The following C9 variants were observed in gnomAD, a reference collection of about 807,000 sequenced individuals.
C9 encodes the protein complement C9, also known as complement component C9.
C9 carries 63 observed loss-of-function variants against 65.4 expected under a neutral mutation model. That is an observed-to-expected ratio of 0.96 (90% CI 0.79 to 1.19). The LOEUF is 1.19. Among genes scored for constraint, C9 ranks in the 50% most tolerant of loss-of-function variants. The pLI, the probability that C9 is intolerant of heterozygous loss-of-function variation, is 0.00. For synonymous variants in C9, 229 were observed against 227.9 expected (o/e 1.00, Z -0.04); for missense variants, 744 against 670.1 (o/e 1.11, Z -1.22).
chr5:39,363,256 TGAA>T (rs1292279295), intron 1 of C9, among the ~76,000 whole-genome samples: 1 of 152,042 alleles, frequency 6.6e-6, no homozygotes, highest in East Asian at 1.9e-4. Flanking sequence ...AGAGGAGGGA[TGAA>T]GGAAAGGTCT....
At chr5:39,333,802 C>T (rs940282241) in intron 4 of C9, among the ~76,000 whole-genome samples, 8 of 148,918 alleles carry the variant, frequency 5.4e-5, no homozygotes, top group East Asian at 2.0e-4. Flanking sequence ...TTGGTGGAGA[C>T]GGGGTTTCGC....
chr5:39,320,564 TG>T (rs1168064914), intron 5 of C9, among the ~76,000 whole-genome samples: 1 of 152,148 alleles, frequency 6.6e-6, no homozygotes, highest in Non-Finnish European at 1.5e-5. Flanking sequence ...ATATGTATTA[TG>T]GTGCCCCAGA....
At chr5:39,294,848 A>G (rs938027453) in intron 9 of C9, among the ~76,000 whole-genome samples, 1 of 151,964 alleles carries the variant, frequency 6.6e-6, no homozygotes, top group Non-Finnish European at 1.5e-5. Flanking sequence ...GCAACAATAC[A>G]TCAAAAAGAT....
chr5:39,359,102 G>C (rs13160213), intron 1 of C9, among the ~76,000 whole-genome samples: 1 of 103,664 alleles, frequency 9.6e-6, no homozygotes, highest in African/African-American at 3.8e-5. Context: ...GTGTGTGTGT[G>C]TATATATATA....
rs1237339167 is a variant in C9 at position 39,333,918 on chromosome 5, A to G, written c.477-2104T>C. On this transcript the variant is annotated intron_variant, in intron 4 of 10. Coordinates refer to ENST00000263408, the MANE Select transcript of C9 (RefSeq NM_001737.5). Reference sequence around the variant, plus strand: ...CAGAGTCTCGTTAACTCAGTGCTCAATGGTGCCCAGGCTGGAGTGCAGTGG... The same window carrying G: ...CAGAGTCTCGTTAACTCAGTGCTCAGTGGTGCCCAGGCTGGAGTGCAGTGG... 4.1e-4 allele frequency among the ~76,000 whole-genome samples: 62 copies of G among 152,244 alleles called. 1 individual carries two copies. The highest frequency in any genetic ancestry group is 3.9e-3 in the Admixed American group (60 of 15,290).
rs1156696518 is a variant in C9, at chr5:39,306,781, T to C, written c.1252A>G (p.Ser418Gly). The C allele has an allele frequency of 1.9e-6, 3 of 1,610,318 alleles. No homozygotes were observed. The Admixed American group carries it at 5.0e-5, about 27-fold the overall frequency. ...ACAACATCATCTATGAGGTTTTCAC[T>C]GGTGATGTTTACTGAGGAGAGAAGG... ...RGEGRAVNIT[S>G]ENLIDDVVSL... Residue 418 changes from serine (S) to glycine (G), a missense_variant, in exon 9 of 11, where the codon AGT becomes GGT. Transcript: ENST00000263408.
At chr5:39,316,441 C>T (rs931821829) in intron 5 of C9, among the ~76,000 whole-genome samples, 1 of 152,168 alleles carries the variant, frequency 6.6e-6, no homozygotes, top group Non-Finnish European at 1.5e-5. Flanking sequence ...CTGCACAGAT[C>T]AACCCATCAC....
At chr5:39,363,599 G>A (rs949017665) in intron 1 of C9, among the ~76,000 whole-genome samples, 15 of 152,144 alleles carry the variant, frequency 9.9e-5, no homozygotes, top group African/African-American at 2.4e-5. Context: ...TCCCCAGAAC[G>A]GATCATCCTG....
rs1487229567 is a variant in C9, at chr5:39,285,057, AAG to A, written c.*140_*141del. On this transcript the variant is annotated 3_prime_UTR_variant, in exon 11 of 11. Coordinates refer to ENST00000263408, the MANE Select transcript of C9 (RefSeq NM_001737.5). ...AAATTTAAAAAAAAATTATAGACCT[AAG>A]AGAGAAGAGACTTCAGAGGTTGGTA... The A allele has an allele frequency of 2.5e-5, 18 of 732,312 alleles. No individual in the cohort carries two copies. The allele number at this position is 732,312 out of a possible 1,614,324, so 45.4% of individuals were successfully genotyped here. A position where few individuals can be genotyped will look rare whatever the true frequency, so the allele number is the denominator to read the frequency against.
chr5:39,288,456 C>A (rs1753031487), intron 10 of C9, among the ~76,000 whole-genome samples: 1 of 151,346 alleles, frequency 6.6e-6, no homozygotes, highest in Non-Finnish European at 1.5e-5. Context: ...TTTCTGTAAA[C>A]CTTCTATAAG....
chr5:39,346,736 C>T (rs976108740), intron 1 of C9, among the ~76,000 whole-genome samples: 1 of 152,142 alleles, frequency 6.6e-6, no homozygotes, highest in African/African-American at 2.4e-5. Context: ...AATTTTAGAC[C>T]AATATCTCTG....
chr5:39,303,549 T>C (rs1455573979), intron 9 of C9, among the ~76,000 whole-genome samples: 3 of 148,806 alleles, frequency 2.0e-5, no homozygotes, highest in African/African-American at 7.3e-5. Flanking sequence ...TATAATTATA[T>C]ATACTATATA....
chr5:39,347,273 C>T (rs1325210718), intron 1 of C9, among the ~76,000 whole-genome samples: 2 of 152,164 alleles, frequency 1.3e-5, no homozygotes, highest in Admixed American at 6.5e-5. Context: ...TGAGAAAACT[C>T]CCTTGTCTCA....
At position 39,341,615 on chromosome 5, in the gene C9, G is replaced by T. The variant is rs745883875; in HGVS notation, c.269C>A (p.Pro90His). Residue 90 changes from proline (P) to histidine (H), a missense_variant, in exon 3 of 11, where the codon CCC becomes CAC. Coordinates refer to ENST00000263408, the MANE Select transcript of C9 (RefSeq NM_001737.5). ...DAVGDRRQCV[P>H]TEPCEDAEDD... ...CTCAGCATCCTCACAGGGCTCTGTG[G>T]GCACACACTGTCGTCTGTCTCCCAC... 3 of 1,613,316 alleles carry T rather than the reference G, an allele frequency of 1.9e-6. No homozygotes were observed. The highest frequency in any genetic ancestry group is 4.5e-5 in the East Asian group (2 of 44,896).
chr5:39,314,935 C>T (rs1753545211), intron 6 of C9, among the ~76,000 whole-genome samples: 2 of 152,124 alleles, frequency 1.3e-5, no homozygotes, highest in Non-Finnish European at 1.5e-5. Flanking sequence ...TCCATGAGGA[C>T]ACAAATTTTC....
chr5:39,327,284 T>C (rs1403419838), intron 5 of C9, among the ~76,000 whole-genome samples: 1 of 152,138 alleles, frequency 6.6e-6, no homozygotes, highest in Non-Finnish European at 1.5e-5. Flanking sequence ...TTATTATTTT[T>C]ACACTGAAAT....
At chr5:39,322,962 T>A (rs1431539375) in intron 5 of C9, among the ~76,000 whole-genome samples, 1 of 152,054 alleles carries the variant, frequency 6.6e-6, no homozygotes. Context: ...TGGGACCAAT[T>A]CCTCATAGAT....
rs1437318634 is a variant in C9, at chr5:39,341,565, A to T, written c.319T>A (p.Cys107Ser). 6.2e-7 allele frequency: 1 copy of T among 1,614,074 alleles called. No individual in the cohort carries two copies. The highest frequency in any genetic ancestry group is 1.7e-5 in the Admixed American group (1 of 60,024). ...CAAGCACAAAGATTACCTGTACTGC[A>T]TTGAAAGTCATTTCCGCAGTCATCC... ...AEDDCGNDFQ[C>S]STGRCIKMRL... The change falls in exon 3 of 11, where the codon TGC becomes AGC. Residue 107 changes from cysteine (C) to serine (S), a missense_variant. Physicochemically the swap from Cys to Ser is moderately radical, Grantham distance 112. Coordinates refer to ENST00000263408, the MANE Select transcript of C9 (RefSeq NM_001737.5).
At chr5:39,358,848 G>A (rs887708665) in intron 1 of C9, among the ~76,000 whole-genome samples, 1 of 151,428 alleles carries the variant, frequency 6.6e-6, no homozygotes, top group South Asian at 2.1e-4. Context: ...AGCCGGGCGT[G>A]GTGGCGGGCG....
Sources: allele counts gnomAD v4.1 joint callset (sites outside exome capture counted in the v4.1 genomes callset), GRCh38; gene constraint gnomAD v4.1.1; transcripts MANE v1.5; gene names NCBI Gene and HGNC (gene_info 2026-07-23, HGNC 2026-07-21).